SCART1: variants seen among roughly 807,000 people sequenced by gnomAD.
The protein encoded by SCART1 is scavenger receptor family member expressed on T cells 1, also known as scavenger receptor cysteine-rich domain-containing protein SCART1.
SCART1 carries 62 observed loss-of-function variants against 36.2 expected under a neutral mutation model. The ratio of observed to expected loss-of-function variants is 1.71; its 90% CI spans 1.40 to 2.12. SCART1 has a LOEUF of 2.12. Ranked by LOEUF, SCART1 falls within the 30% of genes most tolerant of loss-of-function variation. The pLI is 0.00. For missense variants in SCART1, 1,041 were observed against 540.5 expected (o/e 1.93, Z -9.18); for synonymous variants, 487 against 238.7 (o/e 2.04, Z -9.59).
intron 1 of SCART1, 108 bp from the exon 2 acceptor site, chr10:133,456,129 C>T (rs1031594988): frequency 1.3e-5 from 8 of 634,880 alleles, no homozygotes; most frequent in East Asian, 2.7e-5. Context: ...GAGAGGAGCC[C>T]GACTCGCTGC....
exon 12 of SCART1, chr10:133,467,941 G>C: frequency 5.7e-6 from 4 of 698,230 alleles, no homozygotes; most frequent in Non-Finnish European, 1.0e-5. Flanking sequence ...ACGAGGCTGC[G>C]TTTCCTCTGG....
chr10:133,459,555 G>A (rs1188503240), exon 6 of SCART1: 6 of 682,972 alleles, frequency 8.8e-6, no homozygotes, highest in Non-Finnish European at 1.6e-5. Context: ...GGTCTCCCTG[G>A]ATGGCGTGTG....
chr10:133,453,947 T>G lies in SCART1; in HGVS notation c.-51T>G. 2.8e-6 allele frequency: 2 copies of G among 702,724 alleles called. No individual in the cohort carries two copies. Among genetic ancestry groups the G allele is most frequent in the South Asian group, 3.0e-5 (2 of 67,592 alleles). 43.5% of individuals were successfully genotyped at this position (702,724 alleles called of 1,614,324 possible). ...GACTCTGGGCTGTGACCTCTGCCAT[T>G]GCCCCAGCTAAGCAGCGAGAGCTTG... On this transcript the variant is annotated 5_prime_UTR_variant, in exon 1 of 12. In the 5' UTR this introduces an upstream ATG that the reference lacks. Coordinates refer to ENST00000640237, the Ensembl canonical transcript of SCART1.
At chr10:133,456,660 T>C in intron 2 of SCART1, 106 bp downstream of exon 2, 1 of 586,884 alleles carries the variant, frequency 1.7e-6, no homozygotes, top group Non-Finnish European at 3.0e-6. Flanking sequence ...ATGGCGGGTC[T>C]CGGAGACGGG....
Position 133,464,921 on chromosome 10 carries a change from A to G in SCART1, c.2275+10A>G, listed in dbSNP as rs1319859549. 2.8e-6 allele frequency: 2 copies of G among 702,586 alleles called. No homozygotes were observed. The highest frequency in any genetic ancestry group is 5.2e-6 in the Non-Finnish European group (2 of 384,938). The allele number at this position is 702,586 out of a possible 1,614,324, so 43.5% of individuals were successfully genotyped here. ...CGACCTTCGAGAGCAGGTCTGGATTACCTGTGCAGGTGGGCATTAGAGGTC... is the reference window on the plus strand; with the variant it reads ...CGACCTTCGAGAGCAGGTCTGGATTGCCTGTGCAGGTGGGCATTAGAGGTC... On this transcript the variant is annotated intron_variant, in intron 7 of 11. Coordinates refer to ENST00000640237, the Ensembl canonical transcript of SCART1.
exon 8 of SCART1, chr10:133,465,155 C>T (rs1208462655): frequency 1.4e-6 from 1 of 702,950 alleles, no homozygotes; most frequent in Non-Finnish European, 2.6e-6. Context: ...TCAACTGCTC[C>T]TCCTGGCTCG....
At chr10:133,454,114 T>C (rs1205646089) in intron 1 of SCART1, 50 bp downstream of exon 1, 1 of 702,198 alleles carries the variant, frequency 1.4e-6, no homozygotes. Flanking sequence ...GCATCAGCTC[T>C]GTTGATGCCC....
Position 133,460,172 on chromosome 10 carries a change from T to G in SCART1, c.1969+2T>G. On this transcript the variant is annotated splice_donor_variant, in intron 6 of 11. Transcript: ENST00000640237. LOFTEE classifies it high-confidence loss of function. ...AGGACGCCGGCGTCTTCTGCTCAGG[T>G]GAGCGGCCGTTGGGTATGGAATGAT... The G allele has an allele frequency of 2.0e-6, 1 of 493,388 alleles. No individual in the cohort carries two copies. Among genetic ancestry groups the G allele is most frequent in the East Asian group, 3.5e-5 (1 of 28,640 alleles). The allele number at this position is 493,388 out of a possible 1,614,324, so 30.6% of individuals were successfully genotyped here. A position where few individuals can be genotyped will look rare whatever the true frequency, so the allele number is the denominator to read the frequency against.
intron 6 of SCART1, among the ~76,000 whole-genome samples, chr10:133,463,625 A>G (rs1454538181): frequency 6.6e-6 from 1 of 151,454 alleles, no homozygotes; most frequent in Non-Finnish European, 1.5e-5. Flanking sequence ...CACGGATCAC[A>G]TAATTTCCTT....
chr10:133,464,057 T>C (rs1255560318), intron 6 of SCART1, among the ~76,000 whole-genome samples: 2 of 152,196 alleles, frequency 1.3e-5, no homozygotes, highest in Non-Finnish European at 2.9e-5. Context: ...CATTTATGAG[T>C]GAGAACATGT....
At chr10:133,460,155 G>C in exon 6 of SCART1, 1 of 506,478 alleles carries the variant, frequency 2.0e-6, no homozygotes, top group Non-Finnish European at 3.5e-6. Flanking sequence ...GGAGGACGCC[G>C]GCGTCTTCTG....
chr10:133,459,938 C>T (rs1218866351), exon 6 of SCART1: 2 of 540,850 alleles, frequency 3.7e-6, no homozygotes, highest in Non-Finnish European at 6.4e-6. Flanking sequence ...CGTGGGGCAC[C>T]GTGTGTGACG....
rs766155335 is a variant in SCART1, at chr10:133,465,286, C to G, written c.2380C>G (p.Arg794Gly). 4.4e-6 allele frequency: 3 copies of G among 684,080 alleles called. No homozygotes were observed. The South Asian group carries it at 4.6e-5, about 11-fold the overall frequency. 42.4% of individuals were successfully genotyped at this position (684,080 alleles called of 1,614,324 possible). ...ACTGCGCGTGCGCGGGGGCGAGGAC[C>G]GCTGCTCCGGGCGCGTGGAGCTCTG... Residue 794 changes from arginine (R) to glycine (G), a missense_variant, in exon 9 of 12, where the codon CGC becomes GGC. Coordinates refer to ENST00000640237, the Ensembl canonical transcript of SCART1.
chr10:133,457,855 A>C, intron 3 of SCART1: 1 of 543,540 alleles, frequency 1.8e-6, no homozygotes, highest in Non-Finnish European at 3.2e-6. Context: ...CTCAGCTGTG[A>C]TCTCTGCATG....
chr10:133,459,427 G>A, intron 5 of SCART1, 60 bp from the exon 6 acceptor site: 1 of 616,414 alleles, frequency 1.6e-6, no homozygotes, highest in Admixed American at 2.7e-5. Context: ...GGCCCTGCTG[G>A]GGGGTGGTCC....
At chr10:133,467,528 A>G (rs1368798571) in intron 11 of SCART1, among the ~76,000 whole-genome samples, 175 bp downstream of exon 11, 1 of 152,126 alleles carries the variant, frequency 6.6e-6, no homozygotes, top group Non-Finnish European at 1.5e-5. Context: ...CACACCCATG[A>G]GGGCAGAGTC....
At chr10:133,467,245 A>T in exon 11 of SCART1, 1 of 702,872 alleles carries the variant, frequency 1.4e-6, no homozygotes, top group Non-Finnish European at 2.6e-6. Context: ...CTATGATGTC[A>T]TTGGGGAAAT....
intron 9 of SCART1, 124 bp downstream of exon 9, chr10:133,465,689 C>T: frequency 1.6e-6 from 1 of 606,380 alleles, no homozygotes; most frequent in Non-Finnish European, 2.9e-6. Flanking sequence ...TGGTTTCCAC[C>T]CTGGGATTTT....
intron 6 of SCART1, among the ~76,000 whole-genome samples, chr10:133,463,058 A>G (rs1212935642): frequency 2.0e-5 from 3 of 152,234 alleles, no homozygotes; most frequent in Non-Finnish European, 2.9e-5. Flanking sequence ...GCGTTATTAC[A>G]GTGCTCCATG....
Sources: allele counts gnomAD v4.1 joint callset (sites outside exome capture counted in the v4.1 genomes callset), GRCh38; gene constraint gnomAD v4.1.1; transcripts MANE v1.5; gene names NCBI Gene and HGNC (gene_info 2026-07-23, HGNC 2026-07-21).